The following TXNDC9 variants were observed in gnomAD, a reference collection of about 807,000 sequenced individuals.
TXNDC9 encodes thioredoxin domain-containing protein 9.
TXNDC9 carries 7 observed loss-of-function variants against 23.0 expected under a neutral mutation model. The observed-to-expected ratio is 0.30, with a 90% confidence interval of 0.17 to 0.57. The LOEUF is 0.57. Among genes scored for constraint, TXNDC9 ranks in the 20% least tolerant of loss-of-function variants. TXNDC9 has a pLI of 0.90. For synonymous variants in TXNDC9, 72 were observed against 90.6 expected (o/e 0.79, Z 1.17); for missense variants, 198 against 252.6 (o/e 0.78, Z 1.47).
intron 1 of TXNDC9, among the ~76,000 whole-genome samples, chr2:99,333,987 T>C (rs1239357972): frequency 6.6e-6 from 1 of 152,356 alleles, no homozygotes; most frequent in Non-Finnish European, 1.5e-5. Context: ...AAATCAGAGT[T>C]TCAAAATAGA....
the TXNDC9 span, among the ~76,000 whole-genome samples, chr2:99,307,930 T>C: frequency 6.6e-6 from 1 of 152,030 alleles, no homozygotes; most frequent in Non-Finnish European, 1.5e-5. Flanking sequence ...CCATAGACCA[T>C]GAGTATTGGT....
At chr2:99,327,314 C>A (rs2094214861) in intron 3 of TXNDC9, among the ~76,000 whole-genome samples, 1 of 152,154 alleles carries the variant, frequency 6.6e-6, no homozygotes, top group South Asian at 2.1e-4. Context: ...TCAAGTGATC[C>A]ACCCCCCACT....
rs768300795 is a variant in TXNDC9 at position 99,327,648 on chromosome 2, C to A, written c.195G>T (p.Trp65Cys). 6.2e-7 allele frequency: 1 copy of A among 1,609,538 alleles called. No homozygotes were observed. ...TGTATTCCCCATGTCCTTTAGAAAG[C>A]CATTCCTAATTTGGAGAGAGGCAAA... ...LRKAQQQKQEWLSKGHGEYRE... is the reference protein window; with the variant it reads ...LRKAQQQKQECLSKGHGEYRE... Residue 65 changes from tryptophan to cysteine, a missense_variant, in exon 3 of 5, where the codon TGG (tryptophan) becomes TGT (cysteine). By Grantham distance (215) the Trp-to-Cys change is radical. Coordinates refer to ENST00000264255, the MANE Select transcript of TXNDC9 (RefSeq NM_005783.4).
intron 3 of TXNDC9, among the ~76,000 whole-genome samples, chr2:99,323,323 C>T (rs2105320978): frequency 6.6e-6 from 1 of 152,222 alleles, no homozygotes; most frequent in African/African-American, 2.4e-5. Context: ...AGGAGAATCA[C>T]TTGAACCTGG....
downstream of TXNDC9, among the ~76,000 whole-genome samples, chr2:99,316,943 A>T (rs1447992855): frequency 6.6e-6 from 1 of 152,102 alleles, no homozygotes; most frequent in African/African-American, 2.4e-5. Flanking sequence ...TTTTTAGTAG[A>T]GACGGGGTTT....
chr2:99,314,996 T>C (rs1388718651), downstream of TXNDC9, among the ~76,000 whole-genome samples: 2 of 149,426 alleles, frequency 1.3e-5, no homozygotes, highest in Non-Finnish European at 3.0e-5. Flanking sequence ...CCCGGGTTCA[T>C]GCCATTCTCC....
intron 2 of TXNDC9, among the ~76,000 whole-genome samples, chr2:99,332,558 G>C (rs533849199): frequency 3.3e-5 from 5 of 152,298 alleles, no homozygotes; most frequent in Non-Finnish European, 7.3e-5. Flanking sequence ...CGATAGAGCT[G>C]TGGCCACCTT....
At chr2:99,322,722 T>C in intron 3 of TXNDC9, 1 of 1,425,300 alleles carries the variant, frequency 7.0e-7, no homozygotes, top group Non-Finnish European at 9.2e-7. Flanking sequence ...ATGTGGCCAT[T>C]ATGCTTCTAG....
chr2:99,312,760 G>A, the TXNDC9 span, among the ~76,000 whole-genome samples: 1 of 152,224 alleles, frequency 6.6e-6, no homozygotes, highest in Non-Finnish European at 1.5e-5. Flanking sequence ...GTGGAGATGA[G>A]ACTAGAGAAC....
Position 99,333,035 on chromosome 2 carries a change from T to C in TXNDC9, c.176A>G (p.Gln59Arg). 1 of 1,597,520 alleles carries C rather than the reference T, an allele frequency of 6.3e-7. No individual in the cohort carries two copies. The highest frequency in any genetic ancestry group is 8.6e-7 in the Non-Finnish European group (1 of 1,165,052). ...CAGAGAGGTTACTTGTTTCTGCTGTTGAGCTTTCCTTAGTGCCTGGAGTCT... is the reference window on the plus strand; with the variant it reads ...CAGAGAGGTTACTTGTTTCTGCTGTCGAGCTTTCCTTAGTGCCTGGAGTCT... The part of the protein sequence containing the change: ...EKRLQALRKA[Q>R]QQKQEWLSKG... The change falls in exon 2 of 5, where the codon CAA becomes CGA. Residue 59 changes from glutamine to arginine, a missense_variant. Gln to Arg is a conservative substitution (Grantham distance 43). Coordinates refer to ENST00000264255, the MANE Select transcript of TXNDC9 (RefSeq NM_005783.4).
chr2:99,333,442 C>G (rs2094230662), intron 1 of TXNDC9, among the ~76,000 whole-genome samples, 200 bp from the exon 2 acceptor site: 1 of 152,108 alleles, frequency 6.6e-6, no homozygotes, highest in Admixed American at 6.5e-5. Context: ...TCACACCACT[C>G]AAAAACTACT....
At chr2:99,334,787 C>T (rs1171444318) in intron 1 of TXNDC9, among the ~76,000 whole-genome samples, 1 of 152,202 alleles carries the variant, frequency 6.6e-6, no homozygotes. Context: ...TCTCCGCTCA[C>T]TGCTAGCTCC....
intron 3 of TXNDC9, among the ~76,000 whole-genome samples, chr2:99,325,935 C>T (rs183690803): frequency 3.3e-5 from 5 of 151,476 alleles, no homozygotes; most frequent in South Asian, 2.1e-4. Flanking sequence ...CACTTGAACC[C>T]GGGAGGTGGA....
At chr2:99,308,576 CAT>C in the TXNDC9 span, among the ~76,000 whole-genome samples, 10 of 151,184 alleles carry the variant, frequency 6.6e-5, no homozygotes, top group South Asian at 2.1e-4. Flanking sequence ...GCTGTACATG[CAT>C]GTGTGTGTGT....
chr2:99,319,559 A>C lies in TXNDC9; in HGVS notation c.*123T>G. The C allele has an allele frequency of 1.4e-6, 1 of 707,736 alleles. No homozygotes were observed. The highest frequency in any genetic ancestry group is 2.4e-6 in the Non-Finnish European group (1 of 416,712). 43.8% of individuals were successfully genotyped at this position (707,736 alleles called of 1,614,324 possible). On this transcript the variant is annotated 3_prime_UTR_variant, in exon 5 of 5. Transcript: ENST00000264255. ...TAAAGACACTTTTCGATGTGATACAACTGTATAAAACTCGAGAATATGAGT... is the reference window on the plus strand; with the variant it reads ...TAAAGACACTTTTCGATGTGATACACCTGTATAAAACTCGAGAATATGAGT...
chr2:99,326,418 T>C (rs1040153271), intron 3 of TXNDC9, among the ~76,000 whole-genome samples: 1 of 152,230 alleles, frequency 6.6e-6, no homozygotes, highest in Admixed American at 6.5e-5. Context: ...AGCACAGTGC[T>C]TGTCTGTCCT....
At chr2:99,315,229 A>AT (rs745742076), downstream of TXNDC9, among the ~76,000 whole-genome samples, 410 of 147,386 alleles carry the variant, frequency 2.8e-3, 6 homozygotes, top group East Asian at 3.0e-3. Context: ...TACCCGGCTA[A>AT]TTTTTTTTTT....
intron 2 of TXNDC9, 70 bp from the exon 3 acceptor site, chr2:99,327,723 G>GGTTC: frequency 2.3e-6 from 2 of 870,950 alleles, no homozygotes; most frequent in Non-Finnish European, 3.6e-6. Flanking sequence ...CATTTTAAGT[G>GGTTC]TCCAAATCAC....
chr2:99,335,919 G>C (rs2094238497), intron 1 of TXNDC9, among the ~76,000 whole-genome samples: 1 of 152,216 alleles, frequency 6.6e-6, no homozygotes, highest in Non-Finnish European at 1.5e-5. Context: ...GACACAGCGC[G>C]TCCTCAAATT....
Sources: gnomAD v4.1 joint callset for allele counts (sites outside exome capture counted in the v4.1 genomes callset) on GRCh38, gnomAD v4.1.1 for gene constraint, MANE v1.5 for transcripts, NCBI Gene and HGNC (gene_info 2026-07-23, HGNC 2026-07-21) for gene names.